Variants in USH2A observed in about 807,000 individuals in gnomAD.
The protein encoded by USH2A is Usher syndrome 2A (autosomal recessive, mild).
Under a neutral mutation model 538.9 loss-of-function variants are expected in USH2A, and 443 were observed. That is an observed-to-expected ratio of 0.82 (90% CI 0.76 to 0.89). USH2A has a LOEUF of 0.89. Ranked by LOEUF, USH2A falls within the 40% of genes least tolerant of loss-of-function variation. The pLI, the probability that USH2A is intolerant of heterozygous loss-of-function variation, is 0.00. For synonymous variants in USH2A, 2,413 were observed against 2,273.5 expected, an observed-to-expected ratio of 1.06 and a Z score of -1.75; for missense variants, 6,633 against 6,324.8, an observed-to-expected ratio of 1.05 and a Z score of -1.65.
At chr1:215,656,446 A>G (rs1657256539) in intron 64 of USH2A, among the ~76,000 whole-genome samples, 1 of 152,226 alleles carries the variant, frequency 6.6e-6, no homozygotes, top group Admixed American at 6.5e-5. Context: ...ATGGGTCAGC[A>G]CCAAGCTGAT....
intron 61 of USH2A, among the ~76,000 whole-genome samples, chr1:215,687,307 T>G (rs1658458581): frequency 6.6e-6 from 1 of 152,066 alleles, no homozygotes; most frequent in Admixed American, 6.5e-5. Context: ...ATCACTTTAA[T>G]GCTTTTACTC....
Position 215,674,406 on chromosome 1 carries a change from C to T in USH2A, c.13505G>A (p.Gly4502Asp). ...TRYRDFTLTP[G>D]VEYSYTVTAS... ...AGTTACTGTGTAGCTATACTCCACA[C>T]CTGGGGTGAGAGTAAAATCACGATA... Residue 4502 changes from glycine (G) to aspartate (D), a missense_variant, in exon 63 of 72, where the codon GGT (glycine) becomes GAT (aspartate). Physicochemically the swap from Gly to Asp is moderately conservative, Grantham distance 94 (BLOSUM62 -1). Coordinates refer to ENST00000307340, the MANE Select transcript of USH2A (RefSeq NM_206933.4). The T allele has an allele frequency of 6.2e-7, 1 of 1,614,112 alleles. No individual in the cohort carries two copies. Among genetic ancestry groups the T allele is most frequent in the South Asian group, 1.1e-5 (1 of 91,076 alleles).
At chr1:216,309,353 A>G (rs933529904) in intron 9 of USH2A, among the ~76,000 whole-genome samples, 8 of 152,164 alleles carry the variant, frequency 5.3e-5, no homozygotes, top group Admixed American at 4.6e-4. Flanking sequence ...AAAGTTTGTG[A>G]TTAAGACATT....
rs1042486997 is a variant in USH2A, at chr1:215,835,794, T to G, written c.9371+2197A>C. Among the ~76,000 whole-genome samples the G allele has an allele frequency of 5.9e-5, 9 of 152,192 alleles. No homozygotes were observed. The East Asian group carries it at 1.7e-3, about 29-fold the overall frequency. On this transcript the variant is annotated intron_variant, in intron 47 of 71. Coordinates refer to ENST00000307340, the MANE Select transcript of USH2A (RefSeq NM_206933.4). ...CTTTTGTCAACCAATATTTTGGTTGTAAATTTCTCCACTGTATTAAATCAT... is the reference window on the plus strand; with the variant it reads ...CTTTTGTCAACCAATATTTTGGTTGGAAATTTCTCCACTGTATTAAATCAT...
Position 215,965,417 on chromosome 1 carries a change from CTG to C in USH2A, c.7018_7019del (p.Gln2340GlyfsTer16). 6.2e-7 allele frequency: 1 copy of C among 1,613,826 alleles called. No homozygotes were observed. The highest frequency in any genetic ancestry group is 2.2e-5 in the East Asian group (1 of 44,882). On this transcript the variant is annotated frameshift_variant, in exon 37 of 72. Coordinates refer to ENST00000307340, the MANE Select transcript of USH2A (RefSeq NM_206933.4). LOFTEE classifies it high-confidence loss of function. Reference sequence around the variant, plus strand: ...ACCTCACGTGGGCTTTCCGGGATCCCTGTGTTTTGACAAACACATTTACTGTT... The same window carrying C: ...ACCTCACGTGGGCTTTCCGGGATCCCTGTTTTGACAAACACATTTACTGTT... ...EGTVNVFVKT[Q>X]GSRKAHVRWE...
intron 38 of USH2A, among the ~76,000 whole-genome samples, chr1:215,931,399 G>A (rs962506465): frequency 6.6e-6 from 1 of 151,862 alleles, no homozygotes; most frequent in African/African-American, 2.4e-5. Context: ...CTAAACTAAG[G>A]ATTGTTTATT....
intron 21 of USH2A, among the ~76,000 whole-genome samples, chr1:216,162,631 G>A (rs1436162274): frequency 6.6e-6 from 1 of 152,042 alleles, no homozygotes; most frequent in Non-Finnish European, 1.5e-5. Flanking sequence ...TCACTAGGGT[G>A]AATCTGTTTC....
chr1:216,004,300 A>G (rs1288271235), intron 32 of USH2A, among the ~76,000 whole-genome samples: 1 of 152,208 alleles, frequency 6.6e-6, no homozygotes. Flanking sequence ...ATAGATATAA[A>G]AGAGAAAACC....
chr1:216,398,629 C>A (rs2102757131), intron 3 of USH2A, among the ~76,000 whole-genome samples: 1 of 152,176 alleles, frequency 6.6e-6, no homozygotes, highest in Non-Finnish European at 1.5e-5. Flanking sequence ...CATCAGGGAG[C>A]TAATCTTTCA....
At chr1:215,647,962 C>T (rs981182866) in intron 66 of USH2A, among the ~76,000 whole-genome samples, 2 of 152,208 alleles carry the variant, frequency 1.3e-5, no homozygotes, top group Admixed American at 1.3e-4. Flanking sequence ...TCTACACACA[C>T]ATTGCTGTTT....
chr1:216,052,493 C>G (rs540147962), intron 30 of USH2A, among the ~76,000 whole-genome samples: 17 of 152,164 alleles, frequency 1.1e-4, no homozygotes, highest in African/African-American at 3.9e-4. Flanking sequence ...TTTTCTAAGG[C>G]TGGAGTGCCA....
chr1:215,781,727 C>G (rs1661647994), intron 54 of USH2A, among the ~76,000 whole-genome samples: 1 of 152,086 alleles, frequency 6.6e-6, no homozygotes, highest in Non-Finnish European at 1.5e-5. Context: ...ATGATTTGGA[C>G]ATTTTTATAG....
At chr1:216,405,887 C>T (rs1219110923) in intron 3 of USH2A, among the ~76,000 whole-genome samples, 1 of 152,068 alleles carries the variant, frequency 6.6e-6, no homozygotes, top group Non-Finnish European at 1.5e-5. Flanking sequence ...TGAATGAATC[C>T]CCACGGAATT....
chr1:216,417,633 C>T (rs2039599457), intron 3 of USH2A, among the ~76,000 whole-genome samples: 1 of 152,096 alleles, frequency 6.6e-6, no homozygotes, highest in African/African-American at 2.4e-5. Flanking sequence ...CTTTTCCTCC[C>T]TATTCTGGCC....
chr1:216,269,235 G>T (rs2036531532), intron 11 of USH2A, among the ~76,000 whole-genome samples: 1 of 152,050 alleles, frequency 6.6e-6, no homozygotes, highest in Non-Finnish European at 1.5e-5. Context: ...ATGGGAGCAG[G>T]TCTTTCTTGT....
At chr1:216,364,100 T>G (rs1027244231) in intron 4 of USH2A, among the ~76,000 whole-genome samples, 4 of 151,446 alleles carry the variant, frequency 2.6e-5, no homozygotes, top group Non-Finnish European at 5.9e-5. Context: ...TAAAGACCAC[T>G]GTACTAGATA....
chr1:215,688,964 A>T (rs1558055198), intron 61 of USH2A, among the ~76,000 whole-genome samples: 1 of 152,040 alleles, frequency 6.6e-6, no homozygotes, highest in Admixed American at 6.5e-5. Flanking sequence ...AATGGTAGAC[A>T]TAGAATTAAG....
At chr1:215,639,631 T>C (rs1656611921) in intron 68 of USH2A, among the ~76,000 whole-genome samples, 1 of 152,164 alleles carries the variant, frequency 6.6e-6, no homozygotes, top group East Asian at 1.9e-4. Context: ...AAAGGGATCC[T>C]AGAAATCACA....
chr1:216,222,005 T>C (rs563625922), intron 14 of USH2A, among the ~76,000 whole-genome samples: 3 of 152,326 alleles, frequency 2.0e-5, no homozygotes, highest in South Asian at 4.1e-4. Context: ...GAGCTCCTTT[T>C]AGTTCCATGT....
Sources: gnomAD v4.1 joint callset for allele counts (sites outside exome capture counted in the v4.1 genomes callset) on GRCh38, gnomAD v4.1.1 for gene constraint, MANE v1.5 for transcripts, NCBI Gene and HGNC (gene_info 2026-07-23, HGNC 2026-07-21) for gene names.